The following PITPNM3 variants were observed in gnomAD, a reference collection of about 807,000 sequenced individuals.
PITPNM3 encodes the protein PITPNM family member 3.
PITPNM3 carries 26 observed loss-of-function variants against 102.0 expected under a neutral mutation model. That is an observed-to-expected ratio of 0.25 (90% CI 0.19 to 0.35). The LOEUF (loss-of-function observed/expected upper bound fraction) is 0.35, where lower values mean the gene tolerates loss of function less well. Among genes scored for constraint, PITPNM3 ranks in the 10% least tolerant of loss-of-function variants. The pLI, the probability that PITPNM3 is intolerant of heterozygous loss-of-function variation, is 1.00. For missense variants in PITPNM3, 1,083 were observed against 1,346.1 expected (o/e 0.80, Z 3.06); for synonymous variants, 578 against 558.6 (o/e 1.03, Z -0.49).
chr17:6,551,011 C>T (rs1910272875), intron 1 of PITPNM3, among the ~76,000 whole-genome samples: 2 of 152,188 alleles, frequency 1.3e-5, no homozygotes, highest in Admixed American at 1.3e-4. Flanking sequence ...TGCATAGGAA[C>T]GTGAGGCCAT....
rs1376828420 is a variant in PITPNM3, at chr17:6,457,618, G to C, written c.2595C>G (p.Thr865=). Residue 865 remains threonine (T), a synonymous_variant, in exon 19 of 20, where the codon ACC becomes ACG. Coordinates refer to ENST00000262483, the MANE Select transcript of PITPNM3 (RefSeq NM_031220.4). The surrounding 1 kb of genome is among the most constrained non-coding windows in gnomAD (Gnocchi z 4.7). ...CCTGGCACTGGGTTTGGTACTTCTT[G>C]GTGGGCCGGCCCACAATGAAGATCT... ...ASQIFIVGRP[T]KKYQTQCQFL... 6.9e-6 allele frequency: 11 copies of C among 1,604,846 alleles called. No individual in the cohort carries two copies. Among genetic ancestry groups the C allele is most frequent in the African/African-American group, 1.3e-5 (1 of 74,522 alleles).
At chr17:6,542,162 G>C (rs1718332970) in intron 1 of PITPNM3, among the ~76,000 whole-genome samples, 1 of 152,224 alleles carries the variant, frequency 6.6e-6, no homozygotes, top group South Asian at 2.1e-4. Context: ...CTCCTCATGG[G>C]GGCCCTAGCC....
intron 5 of PITPNM3, 115 bp from the exon 6 acceptor site, chr17:6,483,867 G>A (rs947332616): frequency 4.0e-5 from 37 of 936,558 alleles, no homozygotes; most frequent in East Asian, 7.7e-5. Context: ...ACGCACACAC[G>A]GGGAGACTGA....
At position 6,537,793 on chromosome 17, in the gene PITPNM3, A is replaced by C. The variant is rs1203544530; in HGVS notation, c.118+194T>G. ...TCCCGGCACATGTGAGGGGTTCAGCAAATATTTCAAACAGTGAACAGACGA... is the reference window on the plus strand; with the variant it reads ...TCCCGGCACATGTGAGGGGTTCAGCCAATATTTCAAACAGTGAACAGACGA... On this transcript the variant is annotated intron_variant, in intron 2 of 19. Transcript: ENST00000262483. This position sits in a 1 kb window ranked among gnomAD's most constrained non-coding sequence, Gnocchi z 4.4. 6.6e-6 allele frequency among the ~76,000 whole-genome samples: 1 copy of C among 152,240 alleles called. No individual in the cohort carries two copies. Among genetic ancestry groups the C allele is most frequent in the African/African-American group, 2.4e-5 (1 of 41,468 alleles).
intron 4 of PITPNM3, among the ~76,000 whole-genome samples, chr17:6,490,649 G>C (rs1341150580): frequency 8.6e-5 from 13 of 151,998 alleles, no homozygotes; most frequent in Admixed American, 5.2e-4. Flanking sequence ...AACGCTTTGA[G>C]GACCCTTAGA....
chr17:6,510,203 T>C (rs1317440140), intron 3 of PITPNM3, among the ~76,000 whole-genome samples: 1 of 152,230 alleles, frequency 6.6e-6, no homozygotes, highest in Non-Finnish European at 1.5e-5. Flanking sequence ...CTCACTATTC[T>C]TTTATGCTTG....
In PITPNM3 at chr17:6,478,552, C is replaced by T; in HGVS notation, c.772G>A (p.Gly258Arg). The T allele has an allele frequency of 6.2e-7, 1 of 1,614,074 alleles. No homozygotes were observed. The highest frequency in any genetic ancestry group is 8.5e-7 in the Non-Finnish European group (1 of 1,180,030). The change falls in exon 7 of 20, where the codon GGG (glycine) becomes AGG (arginine). Residue 258 changes from glycine (G) to arginine (R), a missense_variant. Gly to Arg is a moderately radical substitution (Grantham distance 125). Transcript: ENST00000262483. The surrounding 1 kb of genome is among the most constrained non-coding windows in gnomAD (Gnocchi z 4.4). ...LKSSDGIGFS[G>R]QVCLIGDCVG... ...GAGAGGGCAGGCTGTCCTACCTGCC[C>T]ACTGAAGCCAATCCCATCAGAGGAC... is the stretch of plus-strand genomic sequence containing the variant.
intron 1 of PITPNM3, among the ~76,000 whole-genome samples, chr17:6,545,031 G>A (rs965972902): frequency 1.3e-5 from 2 of 152,098 alleles, no homozygotes; most frequent in Non-Finnish European, 2.9e-5. Context: ...CGCCTCCTCC[G>A]TGCCTCCTCC....
intron 4 of PITPNM3, among the ~76,000 whole-genome samples, chr17:6,496,614 C>G (rs1415979174): frequency 6.6e-6 from 1 of 152,116 alleles, no homozygotes; most frequent in Non-Finnish European, 1.5e-5. Context: ...TATTATCTTC[C>G]CCTCCTCCGT....
rs1361334475 is a variant in PITPNM3 at position 6,556,256 on chromosome 17, C to T, written c.22+129G>A. ...CGCGCGGGAGGTCCAGCCCCGCTAC[C>T]GCCCCCTACGCCCTCCCGGGACCTC... On this transcript the variant is annotated intron_variant, in intron 1 of 19. Coordinates refer to ENST00000262483, the MANE Select transcript of PITPNM3 (RefSeq NM_031220.4). This position sits in a 1 kb window ranked among gnomAD's most constrained non-coding sequence, Gnocchi z 5.2. 3 of 693,750 alleles carry T rather than the reference C, an allele frequency of 4.3e-6. No homozygotes were observed. Among genetic ancestry groups the T allele is most frequent in the African/African-American group, 1.9e-5 (1 of 51,774 alleles). The allele number at this position is 693,750 out of a possible 1,614,324, so 43.0% of individuals were successfully genotyped here.
intron 3 of PITPNM3, among the ~76,000 whole-genome samples, chr17:6,511,497 C>T (rs1489204392): frequency 6.6e-6 from 1 of 152,184 alleles, no homozygotes; most frequent in East Asian, 1.9e-4. Context: ...GGAGGCAGGA[C>T]TGGTTACATA....
chr17:6,493,084 C>T (rs1406609445), intron 4 of PITPNM3, among the ~76,000 whole-genome samples: 3 of 152,044 alleles, frequency 2.0e-5, no homozygotes, highest in East Asian at 3.9e-4. Flanking sequence ...TGACCAAGGT[C>T]GGGTCAATGA....
intron 3 of PITPNM3, among the ~76,000 whole-genome samples, chr17:6,520,214 G>A (rs1458276436): frequency 6.6e-6 from 1 of 152,178 alleles, no homozygotes. Context: ...ATCAAATCTG[G>A]TAACACATTG....
chr17:6,525,298 GC>G (rs1034872301), intron 3 of PITPNM3, 57 bp downstream of exon 3: 37 of 1,476,398 alleles, frequency 2.5e-5, no homozygotes, highest in African/African-American at 2.8e-5. Flanking sequence ...CAGCCCTACA[GC>G]CCCCCCTGCA....
chr17:6,504,768 T>C (rs2150610161), intron 3 of PITPNM3, among the ~76,000 whole-genome samples: 1 of 152,328 alleles, frequency 6.6e-6, no homozygotes, highest in South Asian at 2.1e-4. Flanking sequence ...TTACGAACCA[T>C]GCACCCTTGG....
Position 6,471,192 on chromosome 17 carries a change from C to T in PITPNM3, c.1593G>A (p.Ser531=), listed in dbSNP as rs1905052803. 3.7e-6 allele frequency: 6 copies of T among 1,612,984 alleles called. No homozygotes were observed. The highest frequency in any genetic ancestry group is 1.1e-5 in the South Asian group (1 of 91,038). The change falls in exon 12 of 20, where the codon TCG becomes TCA. Residue 531 remains serine, a synonymous_variant. Transcript: ENST00000262483. ...GSSHSESSES[S]DSMAPVGASR... ...AGGCACCCACGGGTGCCATGCTGTC[C>T]GAGGACTCCGAGCTCTCGCTGTGGG... is the stretch of plus-strand genomic sequence containing the variant.
intron 1 of PITPNM3, among the ~76,000 whole-genome samples, chr17:6,543,117 T>A (rs1168179235): frequency 6.6e-6 from 1 of 152,136 alleles, no homozygotes; most frequent in East Asian, 1.9e-4. Context: ...AAATGACCCT[T>A]CACCCCAGCA....
intron 4 of PITPNM3, among the ~76,000 whole-genome samples, chr17:6,487,818 G>A (rs1278859405): frequency 6.6e-6 from 1 of 152,182 alleles, no homozygotes; most frequent in South Asian, 2.1e-4. Context: ...GGCCACCAAC[G>A]ATGTTGAGGC....
chr17:6,462,091 A>G (rs761072426), intron 17 of PITPNM3, among the ~76,000 whole-genome samples: 2 of 151,550 alleles, frequency 1.3e-5, no homozygotes, highest in Non-Finnish European at 2.9e-5. Context: ...ACCCTCCCCA[A>G]CCTCCCACGG....
Sources: gnomAD v4.1 joint callset for allele counts (sites outside exome capture counted in the v4.1 genomes callset) on GRCh38, gnomAD v4.1.1 for gene constraint, Gnocchi (gnomAD v3.1) non-coding constraint, MANE v1.5 for transcripts, NCBI Gene and HGNC (gene_info 2026-07-23, HGNC 2026-07-21) for gene names.